Variants in COL25A1 observed in about 807,000 individuals in gnomAD.
COL25A1 encodes collagen type XXV alpha 1 chain, also known as collagen alpha-1(XXV) chain.
In COL25A1, 103 loss-of-function variants were observed where a neutral mutation model predicts 128.4. That is an observed-to-expected ratio of 0.80 (90% CI 0.68 to 0.94). The LOEUF (loss-of-function observed/expected upper bound fraction) is 0.94, where lower values mean the gene tolerates loss of function less well. COL25A1 is among the 40% of genes least tolerant of loss of function. The probability of loss-of-function intolerance (pLI) is 0.00; values close to 1 mark genes in which losing one functional copy is unlikely to be tolerated. For missense variants in COL25A1, 745 were observed against 840.0 expected (o/e 0.89, Z 1.40); for synonymous variants, 279 against 277.2 (o/e 1.01, Z -0.06).
At chr4:109,181,172 T>C (rs1774595146) in intron 3 of COL25A1, among the ~76,000 whole-genome samples, 1 of 152,192 alleles carries the variant, frequency 6.6e-6, no homozygotes, top group African/African-American at 2.4e-5. Flanking sequence ...TACTTTATGT[T>C]AATCCTCTGG....
At chr4:109,009,697 T>C (rs1468626247) in intron 6 of COL25A1, among the ~76,000 whole-genome samples, 1 of 152,208 alleles carries the variant, frequency 6.6e-6, no homozygotes, top group Non-Finnish European at 1.5e-5. Context: ...TATAGAATCC[T>C]AGGGATTATA....
chr4:109,192,076 G>A (rs1276149666), intron 3 of COL25A1, among the ~76,000 whole-genome samples: 1 of 152,186 alleles, frequency 6.6e-6, no homozygotes, highest in South Asian at 2.1e-4. Flanking sequence ...TAGAAATAGA[G>A]AGCAACAGCC....
At chr4:109,261,643 C>G (rs1054302633) in intron 3 of COL25A1, among the ~76,000 whole-genome samples, 5 of 151,966 alleles carry the variant, frequency 3.3e-5, no homozygotes, top group African/African-American at 1.2e-4. Context: ...TTATTATTGA[C>G]TTACACGGGT....
intron 3 of COL25A1, among the ~76,000 whole-genome samples, chr4:109,265,614 T>C (rs1221939587): frequency 1.3e-5 from 2 of 151,476 alleles, no homozygotes; most frequent in African/African-American, 2.4e-5. Context: ...ATTTGAACTA[T>C]ATAAAGAATT....
chr4:109,028,057 C>T (rs1758480073), intron 5 of COL25A1, among the ~76,000 whole-genome samples: 1 of 152,056 alleles, frequency 6.6e-6, no homozygotes, highest in South Asian at 2.1e-4. Flanking sequence ...TCTAATGAGG[C>T]AATGTAAATA....
chr4:109,087,586 T>C (rs72670342), intron 3 of COL25A1, among the ~76,000 whole-genome samples: 1 of 152,346 alleles, frequency 6.6e-6, no homozygotes, highest in Non-Finnish European at 1.5e-5. Flanking sequence ...CTCTACTCTA[T>C]TGAACCACAC....
At chr4:109,202,502 A>ATG (rs1776630397) in intron 3 of COL25A1, among the ~76,000 whole-genome samples, 1 of 152,196 alleles carries the variant, frequency 6.6e-6, no homozygotes, top group East Asian at 1.9e-4. Flanking sequence ...ATGCAACACT[A>ATG]TAAAACTCCT....
intron 6 of COL25A1, among the ~76,000 whole-genome samples, chr4:108,992,592 C>T (rs1400467595): frequency 2.6e-5 from 4 of 152,076 alleles, no homozygotes; most frequent in Non-Finnish European, 5.9e-5. Flanking sequence ...AATAACATAA[C>T]ATAAGTATGG....
intron 2 of COL25A1, 83 bp downstream of exon 2, chr4:109,301,640 G>T: frequency 6.7e-7 from 1 of 1,485,984 alleles, no homozygotes; most frequent in Non-Finnish European, 9.2e-7. Flanking sequence ...TATGGGTACA[G>T]TAAGGGTAGC....
At chr4:109,080,190 C>G (rs998923724) in intron 3 of COL25A1, among the ~76,000 whole-genome samples, 10 of 152,108 alleles carry the variant, frequency 6.6e-5, no homozygotes, top group Non-Finnish European at 1.2e-4. Flanking sequence ...ATGATAGGTA[C>G]TCCTGTTATT....
intron 3 of COL25A1, among the ~76,000 whole-genome samples, chr4:109,054,537 T>C (rs1761286901): frequency 6.6e-6 from 1 of 152,176 alleles, no homozygotes; most frequent in African/African-American, 2.4e-5. Flanking sequence ...TTTTTAAACA[T>C]AGTAAGAATT....
chr4:109,150,567 C>T (rs1771402605), intron 3 of COL25A1, among the ~76,000 whole-genome samples: 1 of 151,950 alleles, frequency 6.6e-6, no homozygotes, highest in African/African-American at 2.4e-5. Context: ...CAGTGTGTTT[C>T]AAAAATAATT....
At chr4:109,256,122 T>TG (rs35464450) in intron 3 of COL25A1, among the ~76,000 whole-genome samples, 61 of 113,348 alleles carry the variant, frequency 5.4e-4, no homozygotes, top group African/African-American at 2.5e-3. Context: ...GTGTGTGTGT[T>TG]TGAGTACAAA....
chr4:109,222,189 G>A (rs1778477699), intron 3 of COL25A1, among the ~76,000 whole-genome samples: 1 of 146,282 alleles, frequency 6.8e-6, no homozygotes, highest in Non-Finnish European at 1.5e-5. Flanking sequence ...TCAGCCTCCA[G>A]AGTAGCTAAG....
chr4:109,059,463 A>G (rs1761745410), intron 3 of COL25A1, among the ~76,000 whole-genome samples: 2 of 152,246 alleles, frequency 1.3e-5, no homozygotes, highest in South Asian at 4.1e-4. Context: ...GTCAACTTAG[A>G]AAAAACATGT....
rs996830011 is a variant in COL25A1 at position 108,813,820 on chromosome 4, T to C, written c.*107A>G. 4 of 845,126 alleles carry C rather than the reference T, an allele frequency of 4.7e-6. No individual in the cohort carries two copies. In the African/African-American group the frequency reaches 6.8e-5, roughly 14 times the overall value. The allele number at this position is 845,126 out of a possible 1,614,324, so 52.4% of individuals were successfully genotyped here. On this transcript the variant is annotated 3_prime_UTR_variant, in exon 38 of 38. Transcript: ENST00000399132. ...TACTGCCAGCAGGAAGAAGCAGCCC[T>C]ATGTAAACATATCTCAGACTTGTAA... is the stretch of plus-strand genomic sequence containing the variant.
chr4:109,045,059 A>T (rs567565205), intron 5 of COL25A1, among the ~76,000 whole-genome samples: 1 of 152,290 alleles, frequency 6.6e-6, no homozygotes, highest in East Asian at 1.9e-4. Flanking sequence ...GGTGAGGATG[A>T]AGACTTTTGT....
At chr4:109,063,428 G>A (rs1834355) in intron 3 of COL25A1, among the ~76,000 whole-genome samples, 77,089 of 151,076 alleles carry the variant, frequency 0.51, 20,825 homozygotes, top group African/African-American at 0.67. Flanking sequence ...GCTTGAACCC[G>A]GAAGGCAGAA....
intron 5 of COL25A1, among the ~76,000 whole-genome samples, chr4:109,026,100 G>GCACACACACACACACACA (rs56718544): frequency 2.3e-4 from 31 of 137,158 alleles, no homozygotes; most frequent in Middle Eastern, 3.7e-3. Context: ...AAAACACTTT[G>GCACACACACACACACACA]CACACACACA....
Sources: allele counts gnomAD v4.1 joint callset (sites outside exome capture counted in the v4.1 genomes callset), GRCh38; gene constraint gnomAD v4.1.1; transcripts MANE v1.5; gene names NCBI Gene and HGNC (gene_info 2026-07-23, HGNC 2026-07-21).